The following CSTF2 variants were observed in gnomAD, a reference collection of about 807,000 sequenced individuals.
CSTF2 encodes cleavage stimulation factor subunit 2.
CSTF2 carries 8 observed loss-of-function variants against 45.4 expected under a neutral mutation model. That is an observed-to-expected ratio of 0.18 (90% CI 0.10 to 0.32). The LOEUF (loss-of-function observed/expected upper bound fraction) is 0.32, where lower values mean the gene tolerates loss of function less well. CSTF2 is among the 10% of genes least tolerant of loss of function. The pLI is 1.00. For synonymous variants in CSTF2, 155 were observed against 158.9 expected, an observed-to-expected ratio of 0.98 and a Z score of 0.18; for missense variants, 253 against 477.1, an observed-to-expected ratio of 0.53 and a Z score of 4.38.
At chrX:100,831,938 C>T (rs995552874) in intron 9 of CSTF2, among the ~76,000 whole-genome samples, 1 of 111,929 alleles carries the variant, frequency 8.9e-6, no homozygotes, top group South Asian at 3.7e-4. Flanking sequence ...AATAATAGGC[C>T]GGGTGCAGTG....
Position 100,833,280 on chromosome X carries a change from GGCCCGTGCGATGGAA to G in CSTF2, c.1311_1325del (p.Ala452_Glu456del). 1 of 1,209,479 alleles carries G rather than the reference GGCCCGTGCGATGGAA, an allele frequency of 8.3e-7. No individual in the cohort carries two copies. The highest frequency in any genetic ancestry group is 1.1e-6 in the Non-Finnish European group (1 of 894,515). ...GAGGATTAGAGGCCCGTGCAATGGA[GGCCCGTGCGATGGAA>G]GCTCGTGCAATGGAGGCCCGAGCGA... On this transcript the variant is annotated inframe_deletion, in exon 11 of 14. Coordinates refer to ENST00000372972, the MANE Select transcript of CSTF2 (RefSeq NM_001325.3).
At chrX:100,823,542 C>A in intron 4 of CSTF2, 114 bp downstream of exon 4, 1 of 827,312 alleles carries the variant, frequency 1.2e-6, no homozygotes, top group Non-Finnish European at 1.7e-6. Context: ...CCATTTCTTG[C>A]ACCTTCAATA....
intron 6 of CSTF2, among the ~76,000 whole-genome samples, chrX:100,824,714 A>C (rs2147887584): frequency 8.9e-6 from 1 of 112,790 alleles, no homozygotes; most frequent in Non-Finnish European, 1.9e-5. Context: ...AGAAAAAAAT[A>C]AGTATCAAAG....
At chrX:100,835,954 T>G (rs1378838299) in intron 11 of CSTF2, among the ~76,000 whole-genome samples, 2 of 111,506 alleles carry the variant, frequency 1.8e-5, no homozygotes, top group African/African-American at 3.3e-5. Flanking sequence ...CCCAATAACC[T>G]ATGGAAATAA....
intron 12 of CSTF2, 32 bp from the exon 13 acceptor site, chrX:100,838,207 A>G: frequency 9.0e-7 from 1 of 1,111,140 alleles, no homozygotes; most frequent in Non-Finnish European, 1.2e-6. Flanking sequence ...CCATCATTAA[A>G]ACTCACTACC....
At chrX:100,825,411 GAAATAT>G (rs1476732658) in intron 6 of CSTF2, among the ~76,000 whole-genome samples, 2 of 110,487 alleles carry the variant, frequency 1.8e-5, no homozygotes, top group African/African-American at 3.3e-5. Flanking sequence ...CACAAAAGGA[GAAATAT>G]AAATATATAA....
At chrX:100,837,980 C>T (rs1355039067) in intron 12 of CSTF2, among the ~76,000 whole-genome samples, 1 of 111,671 alleles carries the variant, frequency 9.0e-6, no homozygotes, top group Non-Finnish European at 1.9e-5. Flanking sequence ...TGTTTTGAAT[C>T]GTCTAATCTT....
intron 11 of CSTF2, among the ~76,000 whole-genome samples, chrX:100,835,062 A>C (rs1424459921): frequency 2.7e-5 from 3 of 110,919 alleles, no homozygotes; most frequent in Non-Finnish European, 5.7e-5. Flanking sequence ...TTAATATATT[A>C]ACTTATAAAT....
chrX:100,826,811 C>A, intron 7 of CSTF2, 54 bp downstream of exon 7: 4 of 1,150,305 alleles, frequency 3.5e-6, no homozygotes, highest in Non-Finnish European at 3.5e-6. Context: ...TTTGTCATAG[C>A]CACTGTTGCA....
intron 9 of CSTF2, among the ~76,000 whole-genome samples, chrX:100,832,356 T>C (rs1242694064): frequency 8.9e-6 from 1 of 112,425 alleles, no homozygotes; most frequent in African/African-American, 3.2e-5. Context: ...ATACCATTAT[T>C]AGTCCCATTT....
chrX:100,837,413 C>G lies in CSTF2; in HGVS notation c.1575C>G (p.Pro525=). The G allele has an allele frequency of 8.3e-7, 1 of 1,208,241 alleles. No homozygotes were observed. The highest frequency in any genetic ancestry group is 1.8e-5 in the South Asian group (1 of 56,578). The change falls in exon 12 of 14, where the codon CCC becomes CCG. Residue 525 remains proline, a synonymous_variant. Transcript: ENST00000372972. ...GAAGCCAGCCTGGCGGCTTTAGTCC[C>G]GGGCAGAACCAAGTCACTCCACAGG... The part of the protein sequence containing the change: ...QGGSQPGGFS[P]GQNQVTPQDH...
At chrX:100,822,735 C>T in intron 3 of CSTF2, 2 of 266,558 alleles carry the variant, frequency 7.5e-6, no homozygotes, top group South Asian at 9.2e-5. Context: ...CAGACCTAAG[C>T]ATGCTGGAGG....
chrX:100,820,680 A>G (rs1306092162), intron 1 of CSTF2: 1 of 517,729 alleles, frequency 1.9e-6, no homozygotes, highest in East Asian at 3.7e-5. Flanking sequence ...ATCAGTGGGG[A>G]AGTTAGACTA....
intron 6 of CSTF2, among the ~76,000 whole-genome samples, 173 bp downstream of exon 6, chrX:100,824,430 C>T (rs886110893): frequency 1.8e-5 from 2 of 112,209 alleles, no homozygotes; most frequent in Admixed American, 9.4e-5. Context: ...AATATAGATT[C>T]GATTCCAAGT....
chrX:100,832,750 C>T lies in CSTF2; in HGVS notation c.1048C>T (p.Pro350Ser). 3.3e-6 allele frequency: 4 copies of T among 1,206,497 alleles called. No individual in the cohort carries two copies. The highest frequency in any genetic ancestry group is 4.6e-4 in the Middle Eastern group (2 of 4,323). Residue 350 changes from proline to serine, a missense_variant, in exon 10 of 14, where the codon CCT (proline) becomes TCT (serine). Pro to Ser is a moderately conservative substitution (Grantham distance 74, BLOSUM62 -1). Coordinates refer to ENST00000372972, the MANE Select transcript of CSTF2 (RefSeq NM_001325.3). ...EVEPRGYLGP[P>S]HQGPPMHHVP... ...CATCTCCAGAGGTTACTTGGGACCA[C>T]CTCATCAGGGTCCACCCATGCACCA...
Position 100,826,120 on chromosome X carries a change from A to G in CSTF2, c.703-514A>G, listed in dbSNP as rs1261572681. ...TTTTCTCAACGAGTTTTAATGTAGCATTTAAAAAAATATATTTCACATTCC... is the reference window on the plus strand; with the variant it reads ...TTTTCTCAACGAGTTTTAATGTAGCGTTTAAAAAAATATATTTCACATTCC... On this transcript the variant is annotated intron_variant, in intron 6 of 13. Transcript: ENST00000372972. 2.1e-4 allele frequency among the ~76,000 whole-genome samples: 23 copies of G among 111,156 alleles called. No homozygotes were observed. In the Admixed American group the frequency reaches 2.2e-3, roughly 11 times the overall value.
At position 100,821,540 on chromosome X, in the gene CSTF2, T is replaced by C. The variant is rs2084917790; in HGVS notation, c.72T>C (p.Pro24=). The C allele has an allele frequency of 1.7e-6, 2 of 1,200,434 alleles. No homozygotes were observed. Among genetic ancestry groups the C allele is most frequent in the South Asian group, 3.5e-5 (2 of 56,523 alleles). Residue 24 remains proline (P), a synonymous_variant, in exon 2 of 14, where the codon CCT becomes CCC. Transcript: ENST00000372972. ...SLRSVFVGNI[P]YEATEEQLKD... is the part of the protein sequence containing the mutation. The stretch of plus-strand genomic sequence containing the variant: ...TTTCTTCCTTAGTGGGGAACATTCC[T>C]TATGAAGCTACTGAAGAGCAGTTGA...
intron 11 of CSTF2, among the ~76,000 whole-genome samples, chrX:100,836,259 C>T (rs968276449): frequency 8.9e-6 from 1 of 112,114 alleles, no homozygotes; most frequent in Non-Finnish European, 1.9e-5. Context: ...CTTTCTTGAA[C>T]AGGATACAAA....
At chrX:100,835,547 C>CTT (rs3031093) in intron 11 of CSTF2, among the ~76,000 whole-genome samples, 28,998 of 100,628 alleles carry the variant, frequency 0.29, 3,392 homozygotes, top group Non-Finnish European at 0.34. Context: ...TGTTCTATAC[C>CTT]TTTTTTTTTT....
Sources: gnomAD v4.1 joint callset for allele counts (sites outside exome capture counted in the v4.1 genomes callset) on GRCh38, gnomAD v4.1.1 for gene constraint, MANE v1.5 for transcripts, NCBI Gene and HGNC (gene_info 2026-07-23, HGNC 2026-07-21) for gene names.